Variants in SH3BP4 observed in about 807,000 individuals in gnomAD.
SH3BP4 encodes SH3 domain-binding protein 4.
A neutral mutation model predicts 65.5 loss-of-function variants in SH3BP4; 33 were observed. The observed-to-expected ratio is 0.50, with a 90% CI of 0.38 to 0.67. The LOEUF (loss-of-function observed/expected upper bound fraction) is 0.67. SH3BP4 is among the 30% of genes least tolerant of loss of function. The pLI is 0.00. For missense variants in SH3BP4, 1,134 were observed against 1,261.4 expected (o/e 0.90, Z 1.53); for synonymous variants, 552 against 545.5 (o/e 1.01, Z -0.17).
rs1306059799 is a variant in SH3BP4, at chr2:234,977,712, G to A, written c.-206-17591G>A. Among the ~76,000 whole-genome samples the A allele has an allele frequency of 6.6e-6, 1 of 152,122 alleles. No homozygotes were observed. The highest frequency in any genetic ancestry group is 1.5e-5 in the Non-Finnish European group (1 of 68,026). ...TATTCACAGCCACACCGAGGCACCTGCTCCGTAGATGATTTTTTTTTGCTT... is the reference window on the plus strand; with the variant it reads ...TATTCACAGCCACACCGAGGCACCTACTCCGTAGATGATTTTTTTTTGCTT... On this transcript the variant is annotated intron_variant, in intron 1 of 5. Transcript: ENST00000392011. The surrounding 1 kb of genome is among the most constrained non-coding windows in gnomAD (Gnocchi z 5.1).
In SH3BP4 at chr2:235,041,904, G is replaced by A; in HGVS notation, c.1135G>A (p.Glu379Lys). The A allele has an allele frequency of 6.2e-7, 1 of 1,613,564 alleles. No homozygotes were observed. Among genetic ancestry groups the A allele is most frequent in the Non-Finnish European group, 8.5e-7 (1 of 1,179,796 alleles). ...DRSCSISPVL[E>K]VKLSNLEVKT... ...GTCCTGCAGCATCAGCCCTGTGCTGGAGGTCAAGCTGAGCAACCTGGAGGT... is the reference window on the plus strand; with the variant it reads ...GTCCTGCAGCATCAGCCCTGTGCTGAAGGTCAAGCTGAGCAACCTGGAGGT... Residue 379 changes from glutamate to lysine, a missense_variant, in exon 4 of 6, where the codon GAG becomes AAG. Physicochemically the swap from Glu to Lys is moderately conservative, Grantham distance 56. Transcript: ENST00000392011. This position sits in a 1 kb window ranked among gnomAD's most constrained non-coding sequence, Gnocchi z 6.0.
chr2:235,006,192 G>T (rs1694288306), intron 2 of SH3BP4, among the ~76,000 whole-genome samples: 2 of 152,252 alleles, frequency 1.3e-5, no homozygotes, highest in African/African-American at 4.8e-5. Context: ...AGGCCAGCAG[G>T]TGGGAGATGG....
chr2:235,038,181 C>T (rs1195954651), intron 3 of SH3BP4, among the ~76,000 whole-genome samples: 2 of 134,268 alleles, frequency 1.5e-5, no homozygotes, highest in African/African-American at 5.5e-5. Context: ...CACACATACA[C>T]ATATTTCATA....
intron 5 of SH3BP4, among the ~76,000 whole-genome samples, chr2:235,053,139 G>A (rs1024991929): frequency 5.3e-5 from 8 of 152,214 alleles, no homozygotes; most frequent in African/African-American, 9.6e-5. Context: ...GGCCAAAGCC[G>A]GTGTGGCCGG....
chr2:235,024,049 A>G (rs937577193), intron 2 of SH3BP4, among the ~76,000 whole-genome samples: 2 of 152,180 alleles, frequency 1.3e-5, no homozygotes, highest in Non-Finnish European at 2.9e-5. Flanking sequence ...TGGATTTTTC[A>G]TTGCTTTTTT....
chr2:234,983,651 C>A (rs1027698365), intron 1 of SH3BP4, among the ~76,000 whole-genome samples: 2 of 152,078 alleles, frequency 1.3e-5, no homozygotes, highest in Non-Finnish European at 2.9e-5. Context: ...GGTGAGATAC[C>A]CTGGATTACC....
chr2:235,030,715 A>G lies in SH3BP4; in HGVS notation c.-132-4156A>G, dbSNP rs1196148626. 6.6e-6 allele frequency among the ~76,000 whole-genome samples: 1 copy of G among 152,120 alleles called. No individual in the cohort carries two copies. The highest frequency in any genetic ancestry group is 1.5e-5 in the Non-Finnish European group (1 of 68,002). On this transcript the variant is annotated intron_variant, in intron 2 of 5. Transcript: ENST00000392011. This position sits in a 1 kb window ranked among gnomAD's most constrained non-coding sequence, Gnocchi z 4.1. ...GCTGACATCCCAGTGAGGAGCACAC[A>G]GGGCAGCCCTGGGATGCTGGCTGCA...
Position 235,052,714 on chromosome 2 carries a change from T to C in SH3BP4, c.2631T>C (p.Ser877=). ...VSKQQMDAYE[S]PHRDRNGVVD... Reference sequence around the variant, plus strand: ...AGCAGCAGATGGACGCCTACGAGTCTCCCCACCGGGACAGGAACGGGGTTG... The same window carrying C: ...AGCAGCAGATGGACGCCTACGAGTCCCCCCACCGGGACAGGAACGGGGTTG... Residue 877 remains serine (S), a synonymous_variant, in exon 5 of 6, where the codon TCT becomes TCC. Coordinates refer to ENST00000392011, the MANE Select transcript of SH3BP4 (RefSeq NM_014521.3). The surrounding 1 kb of genome is among the most constrained non-coding windows in gnomAD (Gnocchi z 5.0). 6.2e-7 allele frequency: 1 copy of C among 1,605,142 alleles called. No homozygotes were observed. Among genetic ancestry groups the C allele is most frequent in the Non-Finnish European group, 8.5e-7 (1 of 1,176,544 alleles).
chr2:234,956,289 A>T (rs1692584179), intron 1 of SH3BP4, among the ~76,000 whole-genome samples: 1 of 152,216 alleles, frequency 6.6e-6, no homozygotes, highest in African/African-American at 2.4e-5. Flanking sequence ...GTTTGGGCAC[A>T]TGGGGTCACT....
chr2:234,997,690 C>T lies in SH3BP4; in HGVS notation c.-133+2314C>T, dbSNP rs1425741123. ...GCTGGGAAGGGTGAGCTCCAGCCCC[C>T]GGTGGCTTGAACACCCTCTGTAGTT... On this transcript the variant is annotated intron_variant, in intron 2 of 5. Transcript: ENST00000392011. This position sits in a 1 kb window ranked among gnomAD's most constrained non-coding sequence, Gnocchi z 4.2. Among the ~76,000 whole-genome samples the T allele has an allele frequency of 3.9e-5, 6 of 152,188 alleles. No individual in the cohort carries two copies. Among genetic ancestry groups the T allele is most frequent in the South Asian group, 2.1e-4 (1 of 4,828 alleles).
At position 235,045,897 on chromosome 2, in the gene SH3BP4, TGA is replaced by T. The variant is rs1041938552; in HGVS notation, c.2478+2654_2478+2655del. On this transcript the variant is annotated intron_variant, in intron 4 of 5. Transcript: ENST00000392011. The surrounding 1 kb of genome is among the most constrained non-coding windows in gnomAD (Gnocchi z 4.3). Reference sequence around the variant, plus strand: ...CAGTGTTTAAATGATGGGGAAAATGTGAGAGTTTGAGACAGTCAGTGTGCAGG... The same window carrying T: ...CAGTGTTTAAATGATGGGGAAAATGTGAGTTTGAGACAGTCAGTGTGCAGG... Among the ~76,000 whole-genome samples the T allele has an allele frequency of 2.6e-5, 4 of 152,156 alleles. No individual in the cohort carries two copies. Among genetic ancestry groups the T allele is most frequent in the African/African-American group, 9.7e-5 (4 of 41,422 alleles).
Position 235,045,308 on chromosome 2 carries a change from G to C in SH3BP4, c.2478+2061G>C, listed in dbSNP as rs1695818416. ...AGAGGTGGAAAAATGACACAACCAGGAGTACCACACCAGCTGTGGAAAATA... is the reference window on the plus strand; with the variant it reads ...AGAGGTGGAAAAATGACACAACCAGCAGTACCACACCAGCTGTGGAAAATA... On this transcript the variant is annotated intron_variant, in intron 4 of 5. Transcript: ENST00000392011. The surrounding 1 kb of genome is among the most constrained non-coding windows in gnomAD (Gnocchi z 4.3). Among the ~76,000 whole-genome samples, 1 of 152,170 alleles carries C rather than the reference G, an allele frequency of 6.6e-6. No homozygotes were observed. The highest frequency in any genetic ancestry group is 2.4e-5 in the African/African-American group (1 of 41,446).
At chr2:235,007,739 C>T (rs913976740) in intron 2 of SH3BP4, among the ~76,000 whole-genome samples, 1 of 152,074 alleles carries the variant, frequency 6.6e-6, no homozygotes, top group Non-Finnish European at 1.5e-5. Context: ...CCATCCTGAG[C>T]CCGGGCTGCG....
intron 1 of SH3BP4, among the ~76,000 whole-genome samples, chr2:234,988,052 C>T (rs374878903): frequency 2.0e-5 from 3 of 152,222 alleles, no homozygotes; most frequent in African/African-American, 4.8e-5. Context: ...TGTCATTTAG[C>T]TTGCCAGCCA....
At chr2:235,022,283 G>A (rs1574827847) in intron 2 of SH3BP4, among the ~76,000 whole-genome samples, 1 of 152,170 alleles carries the variant, frequency 6.6e-6, no homozygotes, top group South Asian at 2.1e-4. Flanking sequence ...GCCGGGTGTG[G>A]TGGCTCACAC....
chr2:235,023,577 A>G (rs997416783), intron 2 of SH3BP4, among the ~76,000 whole-genome samples: 4 of 152,072 alleles, frequency 2.6e-5, no homozygotes, highest in Non-Finnish European at 5.9e-5. Flanking sequence ...AGAAGAATGG[A>G]AATTCATTTT....
In SH3BP4 at chr2:235,017,687, G is replaced by A. The variant is rs78210412; in HGVS notation, c.-132-17184G>A. ...TGCTTATCTCTCCTGCCCTCCAGGG[G>A]CCCAGTGTCATTCACTGGGTGCCGT... On this transcript the variant is annotated intron_variant, in intron 2 of 5. Coordinates refer to ENST00000392011, the MANE Select transcript of SH3BP4 (RefSeq NM_014521.3). Among the ~76,000 whole-genome samples the A allele has an allele frequency of 1.4e-4, 22 of 152,240 alleles. 2 individuals carry two copies. In the South Asian group the frequency reaches 4.4e-3, roughly 30 times the overall value.
At chr2:234,987,048 A>G (rs1033335502) in intron 1 of SH3BP4, among the ~76,000 whole-genome samples, 1 of 150,350 alleles carries the variant, frequency 6.7e-6, no homozygotes, top group Non-Finnish European at 1.5e-5. Flanking sequence ...CTTGGATTAC[A>G]GGCATGAGCC....
intron 3 of SH3BP4, among the ~76,000 whole-genome samples, chr2:235,038,885 G>A (rs543371610): frequency 1.3e-5 from 2 of 152,310 alleles, no homozygotes; most frequent in East Asian, 3.9e-4. Context: ...TCAGGTACAT[G>A]ATGTAGTGGT....
Sources: allele counts gnomAD v4.1 joint callset (sites outside exome capture counted in the v4.1 genomes callset), GRCh38; gene constraint gnomAD v4.1.1; non-coding constraint Gnocchi (gnomAD v3.1); transcripts MANE v1.5; gene names NCBI Gene and HGNC (gene_info 2026-07-23, HGNC 2026-07-21).